The following TLL1 variants were observed in gnomAD, a reference collection of about 807,000 sequenced individuals.
TLL1 encodes the protein tolloid-like protein 1.
In TLL1, 49 loss-of-function variants were observed where a neutral mutation model predicts 128.2. The observed-to-expected ratio is 0.38, with a 90% CI of 0.30 to 0.48. TLL1 has a LOEUF of 0.48. Ranked by LOEUF, TLL1 falls within the 20% of genes least tolerant of loss-of-function variation. The pLI is 0.96. For synonymous variants in TLL1, 454 were observed against 418.8 expected, an observed-to-expected ratio of 1.08 and a Z score of -1.03; for missense variants, 1,123 against 1,242.0, an observed-to-expected ratio of 0.90 and a Z score of 1.44.
chr4:166,092,205 T>G (rs2111159315), intron 19 of TLL1, among the ~76,000 whole-genome samples: 1 of 152,206 alleles, frequency 6.6e-6, no homozygotes, highest in African/African-American at 2.4e-5. Flanking sequence ...TTTAGTGAAA[T>G]TTTGTCATGA....
At chr4:165,950,729 A>G (rs1409074734) in intron 1 of TLL1, among the ~76,000 whole-genome samples, 1 of 152,130 alleles carries the variant, frequency 6.6e-6, no homozygotes, top group Non-Finnish European at 1.5e-5. Context: ...AAGAAAATAT[A>G]TATGCAACAT....
intron 9 of TLL1, among the ~76,000 whole-genome samples, chr4:166,038,714 A>G (rs925624276): frequency 6.6e-6 from 1 of 152,208 alleles, no homozygotes; most frequent in Non-Finnish European, 1.5e-5. Context: ...GTCATGTACA[A>G]GATGCTGTAA....
chr4:166,063,433 C>T (rs540454459), intron 15 of TLL1, among the ~76,000 whole-genome samples: 6 of 152,270 alleles, frequency 3.9e-5, no homozygotes, highest in South Asian at 4.1e-4. Context: ...GACAGTGTGA[C>T]GATTCCTCAA....
chr4:166,046,269 G>A (rs2111098571), intron 12 of TLL1, among the ~76,000 whole-genome samples: 1 of 152,272 alleles, frequency 6.6e-6, no homozygotes, highest in African/African-American at 2.4e-5. Context: ...TCCATGCAGA[G>A]GGAAACAAGC....
At chr4:165,923,677 C>T (rs899314601) in intron 1 of TLL1, among the ~76,000 whole-genome samples, 4 of 151,890 alleles carry the variant, frequency 2.6e-5, no homozygotes, top group African/African-American at 4.8e-5. Flanking sequence ...CCTTGTGATC[C>T]GCCAGCCTTG....
At chr4:166,006,627 T>G (rs1189545783) in intron 6 of TLL1, among the ~76,000 whole-genome samples, 1 of 151,762 alleles carries the variant, frequency 6.6e-6, no homozygotes, top group Admixed American at 6.6e-5. Flanking sequence ...AACAGTTGCC[T>G]CTATCATGGG....
chr4:166,057,982 T>C (rs1301908602), intron 14 of TLL1, among the ~76,000 whole-genome samples: 1 of 152,198 alleles, frequency 6.6e-6, no homozygotes, highest in Non-Finnish European at 1.5e-5. Flanking sequence ...TGTTTCTATC[T>C]AGATTCATCT....
chr4:166,011,142 G>T (rs772773964), intron 7 of TLL1, among the ~76,000 whole-genome samples: 5 of 151,262 alleles, frequency 3.3e-5, no homozygotes, highest in African/African-American at 1.2e-4. Context: ...GCTATTTGGT[G>T]TATCTTGAGA....
chr4:165,924,087 T>G (rs191294559), intron 1 of TLL1, among the ~76,000 whole-genome samples: 1 of 152,290 alleles, frequency 6.6e-6, no homozygotes, highest in Admixed American at 6.5e-5. Context: ...ATTTCCTTGG[T>G]TCTTTCTATT....
intron 18 of TLL1, among the ~76,000 whole-genome samples, chr4:166,079,313 A>C (rs1741181032): frequency 6.6e-6 from 1 of 152,152 alleles, no homozygotes; most frequent in Admixed American, 6.5e-5. Context: ...GTCTCAATCC[A>C]AATTTTTTTT....
chr4:166,072,646 C>T (rs960020646), intron 16 of TLL1, among the ~76,000 whole-genome samples: 4 of 151,608 alleles, frequency 2.6e-5, no homozygotes, highest in Non-Finnish European at 5.9e-5. Flanking sequence ...CTTAACCTTT[C>T]CACTAGAATG....
chr4:166,030,451 A>C (rs760169728), intron 9 of TLL1: 133 of 591,400 alleles, frequency 2.2e-4, no homozygotes, highest in South Asian at 3.6e-4. Flanking sequence ...CCTCCTTCAC[A>C]GGTTGTATTT....
At chr4:165,946,427 C>T (rs746704381) in intron 1 of TLL1, among the ~76,000 whole-genome samples, 2 of 151,898 alleles carry the variant, frequency 1.3e-5, no homozygotes, top group Non-Finnish European at 2.9e-5. Flanking sequence ...CCTTGACCTC[C>T]CAGGCTCAAG....
intron 1 of TLL1, among the ~76,000 whole-genome samples, chr4:165,947,229 C>T (rs576511765): frequency 4.4e-4 from 67 of 152,018 alleles, no homozygotes; most frequent in African/African-American, 1.4e-3. Flanking sequence ...AGGGTGCTCC[C>T]GGATGTTTCT....
At chr4:166,090,758 A>C (rs1301076390) in intron 18 of TLL1, among the ~76,000 whole-genome samples, 1 of 152,058 alleles carries the variant, frequency 6.6e-6, no homozygotes, top group Non-Finnish European at 1.5e-5. Context: ...TATGATTATC[A>C]AACCCAGAAG....
chr4:165,941,030 A>G (rs1733982829), intron 1 of TLL1, among the ~76,000 whole-genome samples: 1 of 151,982 alleles, frequency 6.6e-6, no homozygotes, highest in Admixed American at 6.6e-5. Context: ...CAGAGATTTT[A>G]TGATCATTTT....
intron 15 of TLL1, among the ~76,000 whole-genome samples, chr4:166,061,986 A>C (rs1356696880): frequency 6.6e-6 from 1 of 152,080 alleles, no homozygotes; most frequent in Non-Finnish European, 1.5e-5. Flanking sequence ...TCCTTTCCCC[A>C]TTTCTTGTTT....
At chr4:165,896,821 G>T (rs916379226) in intron 1 of TLL1, among the ~76,000 whole-genome samples, 1 of 151,996 alleles carries the variant, frequency 6.6e-6, no homozygotes, top group Non-Finnish European at 1.5e-5. Context: ...TTGATGAATC[G>T]CCACACTGTC....
In TLL1 at chr4:165,934,336, A is replaced by G. The variant is rs527692119; in HGVS notation, c.170-55045A>G. On this transcript the variant is annotated intron_variant, in intron 1 of 20. Coordinates refer to ENST00000061240, the MANE Select transcript of TLL1 (RefSeq NM_012464.5). ...GGCCTCATTCTCCATTTCTAAGTGCACAATGCCTGCTGGGAAACACTTTTT... is the reference window on the plus strand; with the variant it reads ...GGCCTCATTCTCCATTTCTAAGTGCGCAATGCCTGCTGGGAAACACTTTTT... 1.1e-4 allele frequency among the ~76,000 whole-genome samples: 16 copies of G among 152,096 alleles called. No individual in the cohort carries two copies. In the South Asian group the frequency reaches 2.7e-3, roughly 26 times the overall value.
Sources: allele counts gnomAD v4.1 joint callset (sites outside exome capture counted in the v4.1 genomes callset), GRCh38; gene constraint gnomAD v4.1.1; transcripts MANE v1.5; gene names NCBI Gene and HGNC (gene_info 2026-07-23, HGNC 2026-07-21).